Variants in RBMS3 observed in about 807,000 individuals in gnomAD.
RBMS3 encodes the protein RNA binding motif single stranded interacting protein 3.
A neutral mutation model predicts 66.8 loss-of-function variants in RBMS3; 27 were observed. That is an observed-to-expected ratio of 0.40 (90% confidence interval 0.30 to 0.56). The LOEUF (loss-of-function observed/expected upper bound fraction) is 0.56, where lower values mean the gene tolerates loss of function less well. Among genes scored for constraint, RBMS3 ranks in the 20% least tolerant of loss-of-function variants. The pLI, the probability that RBMS3 is intolerant of heterozygous loss-of-function variation, is 0.40. For synonymous variants in RBMS3, 188 were observed against 183.0 expected (o/e 1.03, Z -0.22); for missense variants, 513 against 549.5 (o/e 0.93, Z 0.66).
At chr3:29,862,076 T>C (rs2059229523) in intron 6 of RBMS3, among the ~76,000 whole-genome samples, 1 of 152,234 alleles carries the variant, frequency 6.6e-6, no homozygotes, top group African/African-American at 2.4e-5. Context: ...TCTGTGCTAC[T>C]GAAGTCTCTA....
intron 4 of RBMS3, among the ~76,000 whole-genome samples, chr3:29,726,079 A>G (rs956845050): frequency 2.6e-5 from 4 of 152,214 alleles, no homozygotes; most frequent in Non-Finnish European, 1.5e-5. Flanking sequence ...AACATAATCC[A>G]TCACATAAAC....
chr3:29,789,309 T>C (rs1005450861), intron 6 of RBMS3, among the ~76,000 whole-genome samples: 1 of 152,130 alleles, frequency 6.6e-6, no homozygotes, highest in South Asian at 2.1e-4. Flanking sequence ...ATACTGAGAA[T>C]ATTAAAATGT....
chr3:29,985,579 C>T (rs373567127), intron 12 of RBMS3, among the ~76,000 whole-genome samples: 4 of 152,140 alleles, frequency 2.6e-5, no homozygotes, highest in East Asian at 1.9e-4. Context: ...CAGTCCCTCA[C>T]GGCTTCCCTT....
At chr3:29,785,171 C>T (rs952875756) in intron 6 of RBMS3, among the ~76,000 whole-genome samples, 1 of 151,986 alleles carries the variant, frequency 6.6e-6, no homozygotes, top group Non-Finnish European at 1.5e-5. Flanking sequence ...ATCTATAAAG[C>T]CAGTATCACC....
chr3:29,709,526 C>T (rs941652101), intron 4 of RBMS3, among the ~76,000 whole-genome samples: 3 of 152,086 alleles, frequency 2.0e-5, no homozygotes, highest in Admixed American at 2.0e-4. Context: ...ATGTGTATGG[C>T]CTTATGAATT....
intron 3 of RBMS3, among the ~76,000 whole-genome samples, chr3:29,519,036 G>T (rs1474805526): frequency 6.6e-6 from 1 of 152,098 alleles, no homozygotes; most frequent in Admixed American, 6.6e-5. Context: ...GTGTATTTTC[G>T]TGTTCCAAAA....
At position 29,739,715 on chromosome 3, in the gene RBMS3, C is replaced by T; in HGVS notation, c.400-5C>T. On this transcript the variant is annotated splice_polypyrimidine_tract_variant and splice_region_variant and intron_variant, in intron 4 of 14. Transcript: ENST00000383767. ...TTACCATATTTGTTACTTTCCTTCC[C>T]TTAGCAACAAGAGCAAGACCCAACA... 3 of 1,583,614 alleles carry T rather than the reference C, an allele frequency of 1.9e-6. No homozygotes were observed. The highest frequency in any genetic ancestry group is 2.6e-6 in the Non-Finnish European group (3 of 1,168,550).
intron 4 of RBMS3, among the ~76,000 whole-genome samples, chr3:29,695,719 T>C (rs952290235): frequency 1.3e-5 from 2 of 152,180 alleles, no homozygotes; most frequent in African/African-American, 4.8e-5. Flanking sequence ...GATAAAGCAT[T>C]TTCTTTTGAT....
intron 4 of RBMS3, among the ~76,000 whole-genome samples, chr3:29,687,659 A>G (rs972350053): frequency 6.6e-6 from 1 of 152,216 alleles, no homozygotes; most frequent in Admixed American, 6.5e-5. Context: ...TGGTTCATAT[A>G]GGGAATGTTC....
At chr3:29,537,214 A>G (rs2045589146) in intron 3 of RBMS3, among the ~76,000 whole-genome samples, 2 of 150,296 alleles carry the variant, frequency 1.3e-5, no homozygotes, top group African/African-American at 2.4e-5. Flanking sequence ...TGTCAGCTGA[A>G]TGGACTATTG....
intron 14 of RBMS3, among the ~76,000 whole-genome samples, chr3:29,994,790 G>C (rs1350363046): frequency 6.6e-6 from 1 of 152,182 alleles, no homozygotes; most frequent in Non-Finnish European, 1.5e-5. Flanking sequence ...CATCATCAAA[G>C]ACCAAAAGTA....
chr3:29,480,762 G>A (rs2043100940), intron 2 of RBMS3, among the ~76,000 whole-genome samples: 1 of 152,194 alleles, frequency 6.6e-6, no homozygotes, highest in Non-Finnish European at 1.5e-5. Context: ...ACCAGTGTAT[G>A]GATGGAAAGG....
chr3:29,486,494 ACT>A (rs2043324243), intron 2 of RBMS3, among the ~76,000 whole-genome samples: 1 of 151,994 alleles, frequency 6.6e-6, no homozygotes, highest in Admixed American at 6.6e-5. Flanking sequence ...GCTTTTTTGG[ACT>A]CTGTGTGTGA....
intron 6 of RBMS3, among the ~76,000 whole-genome samples, chr3:29,801,868 T>C (rs996502134): frequency 6.6e-6 from 1 of 152,124 alleles, no homozygotes; most frequent in Non-Finnish European, 1.5e-5. Flanking sequence ...AATTTCCTCA[T>C]CCATAAAATC....
chr3:29,529,574 G>A (rs1437204324), intron 3 of RBMS3, among the ~76,000 whole-genome samples: 1 of 151,998 alleles, frequency 6.6e-6, no homozygotes, highest in Non-Finnish European at 1.5e-5. Context: ...TATACATAGA[G>A]TATATATATC....
chr3:29,629,757 T>A (rs1400770993), intron 4 of RBMS3, among the ~76,000 whole-genome samples: 3 of 152,104 alleles, frequency 2.0e-5, no homozygotes, highest in Non-Finnish European at 4.4e-5. Context: ...CAGTCCAATT[T>A]TTAAGTCAAT....
Position 29,677,443 on chromosome 3 carries a change from T to A in RBMS3, c.400-62277T>A, listed in dbSNP as rs556225119. Among the ~76,000 whole-genome samples, 14 of 152,346 alleles carry A rather than the reference T, an allele frequency of 9.2e-5. 1 individual carries two copies. In the South Asian group the frequency reaches 2.9e-3, roughly 32 times the overall value. ...TTTTTCTAAAGTTTGGTAGTCAATTTTCATATGTAGATTTATGAAAGTCTT... is the reference window on the plus strand; with the variant it reads ...TTTTTCTAAAGTTTGGTAGTCAATTATCATATGTAGATTTATGAAAGTCTT... On this transcript the variant is annotated intron_variant, in intron 4 of 14. Coordinates refer to ENST00000383767, the MANE Select transcript of RBMS3 (RefSeq NM_001003793.3).
At chr3:29,299,182 G>A (rs1193780406) in intron 1 of RBMS3, among the ~76,000 whole-genome samples, 5 of 151,854 alleles carry the variant, frequency 3.3e-5, no homozygotes, top group African/African-American at 1.2e-4. Context: ...GTAACAGCAG[G>A]AAGGGAAAGT....
At chr3:29,993,729 C>A (rs1309442690) in intron 14 of RBMS3, among the ~76,000 whole-genome samples, 1 of 152,274 alleles carries the variant, frequency 6.6e-6, no homozygotes, top group East Asian at 1.9e-4. Context: ...AGATCTTGAG[C>A]CTGCCAGCTA....
Sources: allele counts gnomAD v4.1 joint callset (sites outside exome capture counted in the v4.1 genomes callset), GRCh38; gene constraint gnomAD v4.1.1; transcripts MANE v1.5; gene names NCBI Gene and HGNC (gene_info 2026-07-23, HGNC 2026-07-21).